CSMD3: variants seen among roughly 807,000 people sequenced by gnomAD.
CSMD3 encodes CUB and Sushi multiple domains 3.
A neutral mutation model predicts 435.2 loss-of-function variants in CSMD3; 177 were observed. That is an observed-to-expected ratio of 0.41 (90% CI 0.36 to 0.46). CSMD3 has a LOEUF of 0.46. Ranked by LOEUF, CSMD3 falls within the 20% of genes least tolerant of loss-of-function variation. The pLI is 0.34. For synonymous variants in CSMD3, 1,656 were observed against 1,520.5 expected (o/e 1.09, Z -2.07); for missense variants, 4,265 against 4,504.6 (o/e 0.95, Z 1.52).
intron 7 of CSMD3, among the ~76,000 whole-genome samples, chr8:112,958,450 G>A (rs2084111636): frequency 6.6e-6 from 1 of 152,024 alleles, no homozygotes; most frequent in Non-Finnish European, 1.5e-5. Flanking sequence ...TGTAAGCCCT[G>A]GACACTAGCA....
chr8:112,838,568 C>T (rs1252742116), intron 11 of CSMD3, among the ~76,000 whole-genome samples: 1 of 151,410 alleles, frequency 6.6e-6, no homozygotes, highest in Non-Finnish European at 1.5e-5. Flanking sequence ...AGTTTTTTTT[C>T]CCTTTTTTTC....
At chr8:112,599,108 G>A (rs1331104134) in intron 22 of CSMD3, among the ~76,000 whole-genome samples, 6 of 146,560 alleles carry the variant, frequency 4.1e-5, no homozygotes, top group South Asian at 2.2e-4. Context: ...GAAAATTTTC[G>A]CAACCTACTC....
At chr8:112,548,208 A>T (rs1827358040) in intron 27 of CSMD3, among the ~76,000 whole-genome samples, 1 of 152,148 alleles carries the variant, frequency 6.6e-6, no homozygotes, top group African/African-American at 2.4e-5. Flanking sequence ...TCCCTTTCAG[A>T]TGGGCATGTA....
intron 38 of CSMD3, among the ~76,000 whole-genome samples, chr8:112,361,585 AT>A: frequency 3.8e-5 from 1 of 26,468 alleles, no homozygotes; most frequent in East Asian, 1.6e-3. Context: ...ATATATATAT[AT>A]ATATATATAT....
At chr8:112,663,901 C>G (rs989797234) in intron 17 of CSMD3, among the ~76,000 whole-genome samples, 2 of 152,004 alleles carry the variant, frequency 1.3e-5, no homozygotes, top group Admixed American at 6.6e-5. Context: ...ATTCTGGAGA[C>G]AGAATTTAAG....
chr8:112,729,479 G>A (rs1200250299), intron 13 of CSMD3, among the ~76,000 whole-genome samples: 1 of 152,056 alleles, frequency 6.6e-6, no homozygotes, highest in Admixed American at 6.6e-5. Context: ...GTTAAAAAGT[G>A]AAACAAAGAT....
At chr8:112,973,251 T>C (rs1238183046) in intron 7 of CSMD3, among the ~76,000 whole-genome samples, 1 of 151,942 alleles carries the variant, frequency 6.6e-6, no homozygotes. Context: ...TTGTGGATAA[T>C]AGATCAGAGG....
chr8:113,114,100 G>T (rs1346881878), intron 4 of CSMD3, among the ~76,000 whole-genome samples: 2 of 151,936 alleles, frequency 1.3e-5, no homozygotes, highest in African/African-American at 4.8e-5. Flanking sequence ...ATAGAGAAGT[G>T]GCTAGACAGG....
chr8:112,985,016 AT>A (rs2085202811), intron 6 of CSMD3, among the ~76,000 whole-genome samples: 1 of 152,004 alleles, frequency 6.6e-6, no homozygotes, highest in African/African-American at 2.4e-5. Context: ...AGATAGATAG[AT>A]AGATAGATAG....
chr8:113,158,572 T>C (rs2091978623), intron 4 of CSMD3, among the ~76,000 whole-genome samples: 1 of 152,064 alleles, frequency 6.6e-6, no homozygotes, highest in African/African-American at 2.4e-5. Context: ...GATTATTTTC[T>C]TTCATCCCTT....
chr8:112,357,699 G>A (rs1826767396), intron 38 of CSMD3, among the ~76,000 whole-genome samples: 1 of 152,154 alleles, frequency 6.6e-6, no homozygotes, highest in Admixed American at 6.5e-5. Flanking sequence ...CAGCTTCCAC[G>A]TGGTGTTGAG....
chr8:113,047,728 C>T (rs183849005), intron 5 of CSMD3, among the ~76,000 whole-genome samples: 2 of 152,208 alleles, frequency 1.3e-5, no homozygotes, highest in African/African-American at 4.8e-5. Context: ...TTTGTGAATG[C>T]TTAAATGTAT....
In CSMD3 at chr8:112,556,638, G is replaced by A; in HGVS notation, c.4234+125C>T. 13 of 700,324 alleles carry A rather than the reference G, an allele frequency of 1.9e-5. No individual in the cohort carries two copies. The South Asian group carries it at 2.0e-4, about 11-fold the overall frequency. The allele number at this position is 700,324 out of a possible 1,614,324, so 43.4% of individuals were successfully genotyped here. On this transcript the variant is annotated intron_variant, in intron 25 of 70. Transcript: ENST00000297405. ...TTTTCTTTTGACAAATTCAAGCTAT[G>A]AGTTCATTAATTTCTCGATATAAAG... is the stretch of plus-strand genomic sequence containing the variant.
chr8:112,622,100 T>C (rs1330733469), intron 22 of CSMD3, among the ~76,000 whole-genome samples: 4 of 152,196 alleles, frequency 2.6e-5, no homozygotes, highest in Non-Finnish European at 4.4e-5. Context: ...AATATTTGCG[T>C]CTGAATTGAA....
In CSMD3 at chr8:112,383,708, A is replaced by G. The variant is rs780742104; in HGVS notation, c.5935-45T>C. Reference sequence around the variant, plus strand: ...GGTAAGAATACACATTTCTAACCAGATACACATAACTATAGTCCACCAATC... The same window carrying G: ...GGTAAGAATACACATTTCTAACCAGGTACACATAACTATAGTCCACCAATC... On this transcript the variant is annotated intron_variant, in intron 36 of 70. Transcript: ENST00000297405. 4 of 1,153,352 alleles carry G rather than the reference A, an allele frequency of 3.5e-6. No homozygotes were observed. The East Asian group carries it at 7.0e-5, about 20-fold the overall frequency. The allele number at this position is 1,153,352 out of a possible 1,614,324, so 71.4% of individuals were successfully genotyped here.
At chr8:113,325,870 T>C (rs2093980398) in intron 1 of CSMD3, among the ~76,000 whole-genome samples, 1 of 152,168 alleles carries the variant, frequency 6.6e-6, no homozygotes, top group South Asian at 2.1e-4. Context: ...GAGTGAGGTG[T>C]CTGTCCATCA....
At chr8:112,604,387 C>A (rs1832625952) in intron 22 of CSMD3, among the ~76,000 whole-genome samples, 1 of 151,596 alleles carries the variant, frequency 6.6e-6, no homozygotes, top group Non-Finnish European at 1.5e-5. Flanking sequence ...TAGGAATAGC[C>A]ACAGATCAAT....
intron 4 of CSMD3, among the ~76,000 whole-genome samples, chr8:113,106,335 A>T (rs1199086951): frequency 6.6e-6 from 1 of 152,166 alleles, no homozygotes; most frequent in Non-Finnish European, 1.5e-5. Flanking sequence ...TTAAAAAAAA[A>T]ATACTCAATG....
chr8:112,969,569 T>C (rs1237696626), intron 7 of CSMD3, among the ~76,000 whole-genome samples: 1 of 152,018 alleles, frequency 6.6e-6, no homozygotes, highest in African/African-American at 2.4e-5. Flanking sequence ...AAATAAACAG[T>C]AGTAATGTCT....
Sources: allele counts gnomAD v4.1 joint callset (sites outside exome capture counted in the v4.1 genomes callset), GRCh38; gene constraint gnomAD v4.1.1; transcripts MANE v1.5; gene names NCBI Gene and HGNC (gene_info 2026-07-23, HGNC 2026-07-21).